The following P4HA1 variants were observed in gnomAD, a reference collection of about 807,000 sequenced individuals.
P4HA1 encodes prolyl 4-hydroxylase subunit alpha-1.
In P4HA1, 24 loss-of-function variants were observed where a neutral mutation model predicts 72.8. The ratio of observed to expected loss-of-function variants is 0.33; its 90% confidence interval spans 0.24 to 0.46. P4HA1 has a LOEUF of 0.46. Ranked by LOEUF, P4HA1 falls within the 20% of genes least tolerant of loss-of-function variation. The probability of loss-of-function intolerance (pLI) is 1.00; values close to 1 mark genes in which losing one functional copy is unlikely to be tolerated. For missense variants in P4HA1, 446 were observed against 640.6 expected (o/e 0.70, Z 3.28); for synonymous variants, 201 against 218.8 (o/e 0.92, Z 0.72).
intron 14 of P4HA1, among the ~76,000 whole-genome samples, chr10:73,009,112 T>A (rs1386847506): frequency 6.6e-6 from 1 of 152,208 alleles, no homozygotes. Flanking sequence ...TTAAACACTA[T>A]AATCATAAGG....
At chr10:73,074,958 C>T in intron 1 of P4HA1, 43 bp from the exon 2 acceptor site, 1 of 706,002 alleles carries the variant, frequency 1.4e-6, no homozygotes, top group Non-Finnish European at 2.5e-6. Flanking sequence ...TTAAAAAATA[C>T]AAAGAGAAGG....
At chr10:73,088,882 G>C (rs567021744) in intron 1 of P4HA1, among the ~76,000 whole-genome samples, 1 of 152,228 alleles carries the variant, frequency 6.6e-6, no homozygotes, top group East Asian at 1.9e-4. Flanking sequence ...CCACAGTCTT[G>C]GTTATTGCAG....
At chr10:73,043,817 T>G in intron 9 of P4HA1, 1 of 1,169,486 alleles carries the variant, frequency 8.6e-7, no homozygotes, top group Non-Finnish European at 1.3e-6. Context: ...ATCATGAGTT[T>G]TCAGAAAATT....
At chr10:73,069,805 T>C (rs1043971825) in intron 4 of P4HA1, among the ~76,000 whole-genome samples, 15 of 148,334 alleles carry the variant, frequency 1.0e-4, no homozygotes, top group Admixed American at 5.9e-4. Flanking sequence ...TATAATCAAC[T>C]GTTTTGTTTT....
At chr10:73,088,545 G>A (rs1369558163) in intron 1 of P4HA1, among the ~76,000 whole-genome samples, 1 of 152,212 alleles carries the variant, frequency 6.6e-6, no homozygotes, top group Non-Finnish European at 1.5e-5. Context: ...GCTTCATCCT[G>A]GACTAAACCT....
Position 73,008,074 on chromosome 10 carries a change from T to C in P4HA1, c.*148A>G. 1 of 467,938 alleles carries C rather than the reference T, an allele frequency of 2.1e-6. No homozygotes were observed. Among genetic ancestry groups the C allele is most frequent in the Non-Finnish European group, 3.8e-6 (1 of 259,948 alleles). The allele number at this position is 467,938 out of a possible 1,614,324, so 29.0% of individuals were successfully genotyped here. ...TAAAAGAACCCACAAAGTAAGCAAT[T>C]GTCCACAGATGAAACATGGGATGAG... is the stretch of plus-strand genomic sequence containing the variant. On this transcript the variant is annotated 3_prime_UTR_variant, in exon 15 of 15. Transcript: ENST00000394890.
At chr10:73,060,035 A>G (rs1162683501) in intron 5 of P4HA1, among the ~76,000 whole-genome samples, 2 of 152,168 alleles carry the variant, frequency 1.3e-5, no homozygotes, top group African/African-American at 4.8e-5. Context: ...ACTCAACTGT[A>G]TAACATGTTA....
intron 4 of P4HA1, among the ~76,000 whole-genome samples, chr10:73,070,765 T>C (rs1387797859): frequency 1.3e-5 from 2 of 152,188 alleles, no homozygotes; most frequent in Non-Finnish European, 1.5e-5. Context: ...AATTAAAATA[T>C]ATATACTCTC....
chr10:73,088,196 G>A (rs1270234631), intron 1 of P4HA1, among the ~76,000 whole-genome samples: 3 of 152,056 alleles, frequency 2.0e-5, no homozygotes, highest in Non-Finnish European at 2.9e-5. Flanking sequence ...CCCGGCCTAC[G>A]AACCATTTTG....
chr10:73,043,342 AAGG>A (rs1262054343), intron 9 of P4HA1, among the ~76,000 whole-genome samples: 1 of 152,240 alleles, frequency 6.6e-6, no homozygotes, highest in Non-Finnish European at 1.5e-5. Context: ...GTAGATGGAA[AAGG>A]AGTTCTATTG....
chr10:73,064,298 A>C (rs929877989), intron 5 of P4HA1, among the ~76,000 whole-genome samples: 1 of 151,984 alleles, frequency 6.6e-6, no homozygotes, highest in Non-Finnish European at 1.5e-5. Flanking sequence ...AACATGGCAA[A>C]ACCCTGTCTC....
chr10:73,030,389 T>A lies in P4HA1; in HGVS notation c.1149-19A>T. ...CCAGGCACTAAGAATAAGAGGAATA[T>A]TAGTTTTATTGATAATGTTTCATTA... On this transcript the variant is annotated intron_variant, in intron 9 of 14. Coordinates refer to ENST00000394890, the MANE Select transcript of P4HA1 (RefSeq NM_001017962.3). 1 of 1,317,644 alleles carries A rather than the reference T, an allele frequency of 7.6e-7. No individual in the cohort carries two copies. The highest frequency in any genetic ancestry group is 1.1e-6 in the Non-Finnish European group (1 of 935,574). 81.6% of individuals were successfully genotyped at this position (1,317,644 alleles called of 1,614,324 possible). A position where few individuals can be genotyped will look rare whatever the true frequency, so the allele number is the denominator to read the frequency against.
chr10:73,030,203 G>T, intron 10 of P4HA1, 68 bp downstream of exon 10: 1 of 706,668 alleles, frequency 1.4e-6, no homozygotes, highest in Non-Finnish European at 2.3e-6. Flanking sequence ...CCTGTTCAGT[G>T]TCAGGAAATC....
At chr10:73,062,283 T>G (rs1841330076) in intron 5 of P4HA1, among the ~76,000 whole-genome samples, 1 of 152,014 alleles carries the variant, frequency 6.6e-6, no homozygotes, top group Non-Finnish European at 1.5e-5. Context: ...AGAAATTTTA[T>G]AAATAATGGA....
At chr10:73,090,446 T>C in intron 1 of P4HA1, among the ~76,000 whole-genome samples, 1 of 152,248 alleles carries the variant, frequency 6.6e-6, no homozygotes, top group East Asian at 1.9e-4. Flanking sequence ...GAGGATACTC[T>C]TGAAGGTGAT....
At chr10:73,086,050 C>T (rs1841917957) in intron 1 of P4HA1, among the ~76,000 whole-genome samples, 1 of 152,194 alleles carries the variant, frequency 6.6e-6, no homozygotes, top group African/African-American at 2.4e-5. Flanking sequence ...GACAAGGACA[C>T]AGAGAAACTG....
At chr10:73,009,685 C>T (rs998430090) in intron 14 of P4HA1, 122 bp downstream of exon 14, 2 of 548,908 alleles carry the variant, frequency 3.6e-6, no homozygotes, top group Middle Eastern at 6.0e-4. Context: ...TTGGCTGAAT[C>T]CTGTACAATG....
intron 5 of P4HA1, among the ~76,000 whole-genome samples, chr10:73,058,732 A>G (rs1167621183): frequency 1.3e-5 from 2 of 152,126 alleles, no homozygotes; most frequent in Admixed American, 1.3e-4. Flanking sequence ...GGGTATATCA[A>G]TAAATTAAAG....
rs889433701 is a variant in P4HA1, at chr10:73,092,350, T to C, written c.-33+4416A>G. Among the ~76,000 whole-genome samples the C allele has an allele frequency of 1.1e-4, 16 of 144,482 alleles. 1 individual carries two copies. The highest frequency in any genetic ancestry group is 2.6e-4 in the African/African-American group (10 of 38,892). The allele number at this position is 144,482 out of a possible 152,430, so 94.8% of individuals were successfully genotyped here. A position where few individuals can be genotyped will look rare whatever the true frequency, so the allele number is the denominator to read the frequency against. ...TAAATAATTTTTTTTTCTTTTCTTT[T>C]TTTTTTTTTTTTTTTTAGAGACAGG... On this transcript the variant is annotated intron_variant, in intron 1 of 14. Coordinates refer to ENST00000394890, the MANE Select transcript of P4HA1 (RefSeq NM_001017962.3).
Sources: gnomAD v4.1 joint callset for allele counts (sites outside exome capture counted in the v4.1 genomes callset) on GRCh38, gnomAD v4.1.1 for gene constraint, MANE v1.5 for transcripts, NCBI Gene and HGNC (gene_info 2026-07-23, HGNC 2026-07-21) for gene names.